The following PCDH9 variants were observed in gnomAD, a reference collection of about 807,000 sequenced individuals.
PCDH9 encodes the protein protocadherin 9.
A neutral mutation model predicts 70.6 loss-of-function variants in PCDH9; 24 were observed. The ratio of observed to expected loss-of-function variants is 0.34; its 90% confidence interval spans 0.25 to 0.48. The LOEUF (loss-of-function observed/expected upper bound fraction) is 0.48. Among genes scored for constraint, PCDH9 ranks in the 20% least tolerant of loss-of-function variants. The pLI is 0.99. For missense variants in PCDH9, 1,281 were observed against 1,503.6 expected (o/e 0.85, Z 2.45); for synonymous variants, 562 against 558.5 (o/e 1.01, Z -0.09).
chr13:66,590,631 CTG>C (rs997109324), intron 4 of PCDH9, among the ~76,000 whole-genome samples: 4 of 151,814 alleles, frequency 2.6e-5, no homozygotes, highest in Non-Finnish European at 5.9e-5. Flanking sequence ...TAACATAACA[CTG>C]TTTGTTGAAA....
At chr13:67,058,247 C>T (rs1267775261) in intron 2 of PCDH9, among the ~76,000 whole-genome samples, 1 of 152,122 alleles carries the variant, frequency 6.6e-6, no homozygotes, top group Non-Finnish European at 1.5e-5. Context: ...TATACGTCCA[C>T]ACACACGTGC....
At chr13:66,966,778 C>T (rs1204253348) in intron 2 of PCDH9, among the ~76,000 whole-genome samples, 1 of 151,698 alleles carries the variant, frequency 6.6e-6, no homozygotes, top group Admixed American at 6.6e-5. Context: ...AGTGGCTCAT[C>T]CAATAGAATA....
chr13:66,845,364 G>A (rs761215299), intron 3 of PCDH9, among the ~76,000 whole-genome samples: 1 of 152,188 alleles, frequency 6.6e-6, no homozygotes, highest in African/African-American at 2.4e-5. Context: ...ACCTGGCCAG[G>A]TTGTGACAGC....
intron 4 of PCDH9, among the ~76,000 whole-genome samples, chr13:66,394,911 A>G (rs1302920448): frequency 2.0e-5 from 3 of 152,182 alleles, no homozygotes; most frequent in Non-Finnish European, 4.4e-5. Flanking sequence ...AAAACAAATT[A>G]TTGTGATGTA....
In PCDH9 at chr13:66,318,373, T is replaced by C. The variant is rs1177296748; in HGVS notation, c.3341-13345A>G. 5.3e-5 allele frequency among the ~76,000 whole-genome samples: 8 copies of C among 152,200 alleles called. No homozygotes were observed. The East Asian group carries it at 1.5e-3, about 29-fold the overall frequency. ...ACTTTAGTTACTGTTTTATTAGTAG[T>C]GTGACGAGCAGTCCCAAATATTCAA... On this transcript the variant is annotated intron_variant, in intron 4 of 4. Coordinates refer to ENST00000377865, the MANE Select transcript of PCDH9 (RefSeq NM_203487.3).
intron 2 of PCDH9, among the ~76,000 whole-genome samples, chr13:67,106,550 G>A (rs912561956): frequency 6.6e-6 from 1 of 152,182 alleles, no homozygotes; most frequent in Admixed American, 6.5e-5. Context: ...ATCAATGACA[G>A]CAGCAGCCCA....
chr13:67,052,906 T>A (rs1313941356), intron 2 of PCDH9, among the ~76,000 whole-genome samples: 1 of 152,022 alleles, frequency 6.6e-6, no homozygotes, highest in Non-Finnish European at 1.5e-5. Context: ...AAAGAATGAA[T>A]TTGATGTGCT....
At chr13:66,844,360 G>A (rs913409965) in intron 3 of PCDH9, among the ~76,000 whole-genome samples, 1 of 152,090 alleles carries the variant, frequency 6.6e-6, no homozygotes, top group Non-Finnish European at 1.5e-5. Flanking sequence ...GCCGAGGCGA[G>A]TGGATCCCGA....
chr13:66,325,158 C>A lies in PCDH9; in HGVS notation c.3341-20130G>T, dbSNP rs549831349. Among the ~76,000 whole-genome samples the A allele has an allele frequency of 3.1e-4, 47 of 151,976 alleles. 1 individual carries two copies. Among genetic ancestry groups the A allele is most frequent in the Non-Finnish European group, 6.0e-4 (41 of 68,010 alleles). ...CAAAACAGGTGGGGTCCCTGTAATA[C>A]AAACTTGATGTGTATTTTTACAATG... On this transcript the variant is annotated intron_variant, in intron 4 of 4. Transcript: ENST00000377865.
At chr13:66,403,555 T>C (rs1018416062) in intron 4 of PCDH9, among the ~76,000 whole-genome samples, 1 of 152,172 alleles carries the variant, frequency 6.6e-6, no homozygotes, top group Admixed American at 6.6e-5. Context: ...TCTTCTATTT[T>C]ATTCTTGGGA....
intron 4 of PCDH9, among the ~76,000 whole-genome samples, chr13:66,416,271 GC>G (rs1357419802): frequency 6.6e-6 from 1 of 150,968 alleles, no homozygotes; most frequent in Admixed American, 6.6e-5. Flanking sequence ...TAATTCATGT[GC>G]CCCAGGAATA....
chr13:67,195,442 T>C (rs1460586492), intron 2 of PCDH9, among the ~76,000 whole-genome samples: 1 of 152,060 alleles, frequency 6.6e-6, no homozygotes, highest in African/African-American at 2.4e-5. Flanking sequence ...CGCGTACATT[T>C]TGAGATCTTT....
chr13:66,883,296 G>A (rs888089597), intron 3 of PCDH9, among the ~76,000 whole-genome samples: 1 of 152,130 alleles, frequency 6.6e-6, no homozygotes, highest in Non-Finnish European at 1.5e-5. Context: ...GACTAAGGCT[G>A]GGTTTTAACT....
At chr13:66,827,565 C>G (rs2080847790) in intron 3 of PCDH9, among the ~76,000 whole-genome samples, 1 of 151,886 alleles carries the variant, frequency 6.6e-6, no homozygotes, top group South Asian at 2.1e-4. Flanking sequence ...CAGGCACCTG[C>G]TAAATTTTGA....
intron 2 of PCDH9, among the ~76,000 whole-genome samples, chr13:67,094,934 A>G (rs550032026): frequency 1.4e-4 from 21 of 152,264 alleles, no homozygotes; most frequent in African/African-American, 4.8e-4. Flanking sequence ...TCAAGAAACA[A>G]TAATATTTTA....
intron 2 of PCDH9, among the ~76,000 whole-genome samples, chr13:66,975,105 A>G (rs2083591548): frequency 6.6e-6 from 1 of 152,176 alleles, no homozygotes. Context: ...CTTCACCATG[A>G]ACTAGCATGA....
chr13:66,937,763 C>A (rs1406233619), intron 2 of PCDH9, among the ~76,000 whole-genome samples: 1 of 152,104 alleles, frequency 6.6e-6, no homozygotes, highest in East Asian at 1.9e-4. Context: ...AAACACCGAG[C>A]TGTAACCAAT....
chr13:67,025,294 T>C (rs964517681), intron 2 of PCDH9, among the ~76,000 whole-genome samples: 13 of 152,154 alleles, frequency 8.5e-5, no homozygotes. Context: ...ATTAGAATAC[T>C]GGACAAATAT....
At chr13:66,513,800 C>T (rs1475591064) in intron 4 of PCDH9, among the ~76,000 whole-genome samples, 1 of 149,572 alleles carries the variant, frequency 6.7e-6, no homozygotes, top group African/African-American at 2.4e-5. Flanking sequence ...CTCAAAGGTC[C>T]AGCATTCGTT....
Sources: allele counts gnomAD v4.1 joint callset (sites outside exome capture counted in the v4.1 genomes callset), GRCh38; gene constraint gnomAD v4.1.1; transcripts MANE v1.5; gene names NCBI Gene and HGNC (gene_info 2026-07-23, HGNC 2026-07-21).